DENND1A: variants seen among roughly 807,000 people sequenced by gnomAD.
DENND1A encodes DENN domain-containing protein 1A.
In DENND1A, 51 loss-of-function variants were observed where a neutral mutation model predicts 113.7. That is an observed-to-expected ratio of 0.45 (90% CI 0.36 to 0.57). The LOEUF (loss-of-function observed/expected upper bound fraction) is 0.57. Ranked by LOEUF, DENND1A falls within the 20% of genes least tolerant of loss-of-function variation. The probability of loss-of-function intolerance (pLI) is 0.00; values close to 1 mark genes in which losing one functional copy is unlikely to be tolerated. For synonymous variants in DENND1A, 565 were observed against 570.8 expected, an observed-to-expected ratio of 0.99 and a Z score of 0.14; for missense variants, 1,258 against 1,395.9, an observed-to-expected ratio of 0.90 and a Z score of 1.57.
chr9:123,680,197 C>G (rs569308883), intron 5 of DENND1A, among the ~76,000 whole-genome samples: 5 of 152,230 alleles, frequency 3.3e-5, no homozygotes, highest in Non-Finnish European at 7.3e-5. Context: ...AGCCTGCTCC[C>G]CAGGCACCTG....
chr9:123,755,283 G>T (rs12341929), intron 5 of DENND1A, among the ~76,000 whole-genome samples: 1 of 151,554 alleles, frequency 6.6e-6, no homozygotes. Flanking sequence ...CCACCACTCC[G>T]GCTAATTTTT....
At chr9:123,491,697 G>A (rs2051389822) in intron 13 of DENND1A, among the ~76,000 whole-genome samples, 1 of 152,206 alleles carries the variant, frequency 6.6e-6, no homozygotes, top group Non-Finnish European at 1.5e-5. Flanking sequence ...CAAGGCTAGA[G>A]GTCCTCCAGC....
intron 11 of DENND1A, among the ~76,000 whole-genome samples, chr9:123,603,067 T>C (rs1453493484): frequency 6.6e-6 from 1 of 152,234 alleles, no homozygotes. Context: ...TACATCTTAC[T>C]TCTGTCTACA....
chr9:123,492,800 C>T (rs1183324742), intron 13 of DENND1A: 4 of 152,168 alleles, frequency 2.6e-5, no homozygotes, highest in Non-Finnish European at 4.4e-5. Flanking sequence ...GGAGTGTCAC[C>T]CTCCAACATC....
At chr9:123,748,387 C>T (rs2069711762) in intron 5 of DENND1A, among the ~76,000 whole-genome samples, 1 of 152,160 alleles carries the variant, frequency 6.6e-6, no homozygotes, top group East Asian at 1.9e-4. Context: ...AAATAAGTGG[C>T]TCATAATTGA....
At chr9:123,416,847 C>T (rs1046002997) in intron 19 of DENND1A, among the ~76,000 whole-genome samples, 2 of 152,176 alleles carry the variant, frequency 1.3e-5, no homozygotes, top group African/African-American at 2.4e-5. Flanking sequence ...ATTTGGGGGC[C>T]AGGACCAGGG....
chr9:123,792,821 T>C (rs1041808640), intron 2 of DENND1A, among the ~76,000 whole-genome samples, 191 bp from the exon 3 acceptor site: 8 of 152,254 alleles, frequency 5.3e-5, no homozygotes, highest in African/African-American at 1.7e-4. Context: ...TCCAGAAATA[T>C]AAAAAAGAAA....
At chr9:123,892,111 T>C (rs1027144935) in intron 1 of DENND1A, among the ~76,000 whole-genome samples, 1 of 152,026 alleles carries the variant, frequency 6.6e-6, no homozygotes, top group Non-Finnish European at 1.5e-5. Context: ...CCCTCAAGTA[T>C]ATAGCTAAGT....
chr9:123,727,882 A>G (rs113892387), intron 5 of DENND1A, among the ~76,000 whole-genome samples: 106 of 151,582 alleles, frequency 7.0e-4, no homozygotes, highest in African/African-American at 2.5e-3. Flanking sequence ...TGAGGCAGGC[A>G]GATCATGAGG....
At chr9:123,714,516 T>A (rs567390177) in intron 5 of DENND1A, among the ~76,000 whole-genome samples, 77 of 151,950 alleles carry the variant, frequency 5.1e-4, no homozygotes, top group African/African-American at 1.8e-3. Flanking sequence ...GAAGGAGAAT[T>A]GCTTGAACCC....
At chr9:123,839,864 T>G (rs1260972105) in intron 2 of DENND1A, among the ~76,000 whole-genome samples, 1 of 152,188 alleles carries the variant, frequency 6.6e-6, no homozygotes, top group Non-Finnish European at 1.5e-5. Flanking sequence ...GAATTATTTC[T>G]GAAGCTAAGC....
intron 5 of DENND1A, among the ~76,000 whole-genome samples, chr9:123,693,528 T>C (rs201773841): frequency 8.8e-4 from 134 of 152,232 alleles, no homozygotes; most frequent in East Asian, 4.4e-3. Context: ...GCTTTTTTTT[T>C]CAGAACATCA....
At chr9:123,628,454 C>T (rs1319649275) in intron 10 of DENND1A, among the ~76,000 whole-genome samples, 1 of 151,946 alleles carries the variant, frequency 6.6e-6, no homozygotes, top group Admixed American at 6.6e-5. Flanking sequence ...GGGCAGAGTC[C>T]AGCACTCCCT....
At chr9:123,485,267 C>T (rs964501402) in intron 13 of DENND1A, among the ~76,000 whole-genome samples, 61 of 152,290 alleles carry the variant, frequency 4.0e-4, no homozygotes, top group Middle Eastern at 3.4e-3. Flanking sequence ...ATTTCAGCTC[C>T]GCACTATCAC....
intron 2 of DENND1A, among the ~76,000 whole-genome samples, chr9:123,830,914 GGAA>G (rs1840117992): frequency 8.0e-6 from 1 of 124,448 alleles, no homozygotes; most frequent in Non-Finnish European, 1.7e-5. Flanking sequence ...GAAAAGAATA[GGAA>G]ATCCTGCCAT....
rs1048620635 is a variant in DENND1A at position 123,381,180 on chromosome 9, C to T, written c.*252G>A. On this transcript the variant is annotated 3_prime_UTR_variant, in exon 24 of 24. Coordinates refer to ENST00000394215, the MANE Select transcript of DENND1A (RefSeq NM_001352964.2). The surrounding 1 kb of genome is among the most constrained non-coding windows in gnomAD (Gnocchi z 4.7). ...TAGTGCAAAACCCAATCAAGGGTGCCGAGGAGAGGCAACCGCGGGGTGGGA... is the reference window on the plus strand; with the variant it reads ...TAGTGCAAAACCCAATCAAGGGTGCTGAGGAGAGGCAACCGCGGGGTGGGA... 6 of 553,386 alleles carry T rather than the reference C, an allele frequency of 1.1e-5. No homozygotes were observed. Among genetic ancestry groups the T allele is most frequent in the Middle Eastern group, 4.9e-4 (1 of 2,054 alleles). 34.3% of individuals were successfully genotyped at this position (553,386 alleles called of 1,614,324 possible).
At chr9:123,921,675 A>G (rs1856281940) in intron 1 of DENND1A, among the ~76,000 whole-genome samples, 1 of 152,304 alleles carries the variant, frequency 6.6e-6, no homozygotes, top group South Asian at 2.1e-4. Flanking sequence ...CACATTCACT[A>G]TGGATCCCTC....
chr9:123,806,596 G>T (rs557325785), intron 2 of DENND1A, among the ~76,000 whole-genome samples: 1 of 152,128 alleles, frequency 6.6e-6, no homozygotes, highest in Non-Finnish European at 1.5e-5. Flanking sequence ...AACATGTTCA[G>T]AGTAACTTGT....
chr9:123,564,980 CTTTTTTTTTTTT>C lies in DENND1A; in HGVS notation c.868-7297_868-7286del, dbSNP rs199613371. ...AGAATCCAATTAATGTCTGTCCCTT[CTTTTTTTTTTTT>C]TTTTTTTTTTTTTCAGATGGAGTCT... On this transcript the variant is annotated intron_variant, in intron 12 of 23. Coordinates refer to ENST00000394215, the MANE Select transcript of DENND1A (RefSeq NM_001352964.2). 1.8e-4 allele frequency among the ~76,000 whole-genome samples: 14 copies of C among 75,722 alleles called. No homozygotes were observed. The East Asian group carries it at 3.9e-3, about 21-fold the overall frequency. 49.7% of individuals were successfully genotyped at this position (75,722 alleles called of 152,430 possible).
Sources: gnomAD v4.1 joint callset for allele counts (sites outside exome capture counted in the v4.1 genomes callset) on GRCh38, gnomAD v4.1.1 for gene constraint, Gnocchi (gnomAD v3.1) non-coding constraint, MANE v1.5 for transcripts, NCBI Gene and HGNC (gene_info 2026-07-23, HGNC 2026-07-21) for gene names.